Variants in PTTG1 observed in about 807,000 individuals in gnomAD.
The protein encoded by PTTG1 is securin.
In PTTG1, 8 loss-of-function variants were observed where a neutral mutation model predicts 20.0. The observed-to-expected ratio is 0.40, with a 90% CI of 0.23 to 0.72. The LOEUF is 0.72. Ranked by LOEUF, PTTG1 falls within the 30% of genes least tolerant of loss-of-function variation. PTTG1 has a pLI of 0.38. For synonymous variants in PTTG1, 79 were observed against 87.2 expected (o/e 0.91, Z 0.52); for missense variants, 197 against 236.0 (o/e 0.83, Z 1.08).
intron 3 of PTTG1, 168 bp downstream of exon 3, chr5:160,423,061 T>TACC: frequency 1.4e-6 from 1 of 696,150 alleles, no homozygotes; most frequent in East Asian, 2.8e-5. Context: ...GACTTCTTGG[T>TACC]ACCTTGAGAT....
chr5:160,425,454 C>T (rs1390839013), intron 4 of PTTG1, among the ~76,000 whole-genome samples: 3 of 152,168 alleles, frequency 2.0e-5, no homozygotes, highest in South Asian at 4.1e-4. Flanking sequence ...CTAAGTGGCC[C>T]TTCAAAATAG....
At position 160,423,158 on chromosome 5, in the gene PTTG1, T is replaced by A. The variant is rs567103836; in HGVS notation, c.276+265T>A. Among the ~76,000 whole-genome samples, 161 of 147,370 alleles carry A rather than the reference T, an allele frequency of 1.1e-3. 3 individuals are homozygous for A. Among genetic ancestry groups the A allele is most frequent in the Admixed American group, 1.8e-3 (25 of 14,228 alleles). ...CCTTCACTAGTGTCGTGAAACTGGT[T>A]GGTGGTGTCTACTTACAGATACATA... On this transcript the variant is annotated intron_variant, in intron 3 of 5. Coordinates refer to ENST00000352433, the MANE Select transcript of PTTG1 (RefSeq NM_004219.4).
intron 5 of PTTG1, 101 bp downstream of exon 5, chr5:160,427,974 A>G: frequency 7.2e-7 from 1 of 1,394,132 alleles, no homozygotes; most frequent in South Asian, 1.3e-5. Flanking sequence ...CCTGTGAGTA[A>G]TTTCTGTCCT....
intron 1 of PTTG1, 60 bp downstream of exon 1, chr5:160,421,951 G>GGGCTGC (rs995537219): frequency 7.7e-5 from 15 of 193,984 alleles, no homozygotes; most frequent in African/African-American, 2.4e-4. Flanking sequence ...GGAAGGAGGC[G>GGGCTGC]GGCTGCGGCT....
At chr5:160,424,464 A>G (rs901213750) in intron 4 of PTTG1, 134 bp downstream of exon 4, 1 of 652,418 alleles carries the variant, frequency 1.5e-6, no homozygotes, top group Non-Finnish European at 2.6e-6. Flanking sequence ...GTTGCTTTGG[A>G]CAAGTGTACT....
intron 5 of PTTG1, 39 bp from the exon 6 acceptor site, chr5:160,428,563 G>C: frequency 6.4e-7 from 1 of 1,562,730 alleles, no homozygotes; most frequent in Non-Finnish European, 8.8e-7. Context: ...ATGACTCAAG[G>C]ATTTGCAGAA....
intron 3 of PTTG1, 178 bp downstream of exon 3, chr5:160,423,071 T>C (rs1765746145): frequency 1.5e-6 from 1 of 674,742 alleles, no homozygotes; most frequent in African/African-American, 1.8e-5. Flanking sequence ...TACCTTGAGA[T>C]TGGAAATCTC....
At chr5:160,427,399 T>C (rs1054697226) in intron 4 of PTTG1, among the ~76,000 whole-genome samples, 3 of 152,228 alleles carry the variant, frequency 2.0e-5, no homozygotes, top group Non-Finnish European at 4.4e-5. Flanking sequence ...AAATTAATAC[T>C]TTCTACTGCA....
chr5:160,423,111 T>C lies in PTTG1; in HGVS notation c.276+218T>C, dbSNP rs961990685. On this transcript the variant is annotated intron_variant, in intron 3 of 5. Coordinates refer to ENST00000352433, the MANE Select transcript of PTTG1 (RefSeq NM_004219.4). Reference sequence around the variant, plus strand: ...GCAGCTAATGCATATTTTTGCCTCATGCATATTTTTGCCTCACCTGTCCTT... The same window carrying C: ...GCAGCTAATGCATATTTTTGCCTCACGCATATTTTTGCCTCACCTGTCCTT... 6 of 556,268 alleles carry C rather than the reference T, an allele frequency of 1.1e-5. No homozygotes were observed. The African/African-American group carries it at 1.1e-4, about 10-fold the overall frequency. 34.5% of individuals were successfully genotyped at this position (556,268 alleles called of 1,614,324 possible). A position where few individuals can be genotyped will look rare whatever the true frequency, so the allele number is the denominator to read the frequency against.
At chr5:160,424,601 T>C (rs141551200) in intron 4 of PTTG1, 243 of 292,410 alleles carry the variant, frequency 8.3e-4, no homozygotes, top group African/African-American at 4.2e-3. Flanking sequence ...TTCATGAACA[T>C]TGAATAAGTC....
rs747409147 is a variant in PTTG1, at chr5:160,422,726, G to A, written c.109G>A (p.Gly37Arg). The A allele has an allele frequency of 1.9e-6, 3 of 1,613,914 alleles. No homozygotes were observed. The highest frequency in any genetic ancestry group is 1.7e-6 in the Non-Finnish European group (2 of 1,180,004). ...GSGPSIKALDGRSQVSTPRFG... is the reference protein window; with the variant it reads ...GSGPSIKALDRRSQVSTPRFG... ...TTCTTCAGCAATCAAAGCCTTAGAT[G>A]GGAGATCTCAAGTTTCAACACCACG... Residue 37 changes from glycine to arginine, a missense_variant, in exon 3 of 6, where the codon GGG (glycine) becomes AGG (arginine). By Grantham distance (125) the Gly-to-Arg change is moderately radical. Coordinates refer to ENST00000352433, the MANE Select transcript of PTTG1 (RefSeq NM_004219.4).
chr5:160,428,660 T>TAGG lies in PTTG1; in HGVS notation c.588_589insAGG (p.Val196_Cys197insArg). ...CCCTGGATGTTGAATTGCCACCTGT[T>TAGG]TGCTGTGACATAGATATTTAAATTT... is the stretch of plus-strand genomic sequence containing the variant. On this transcript the variant is annotated inframe_insertion, in exon 6 of 6. Coordinates refer to ENST00000352433, the MANE Select transcript of PTTG1 (RefSeq NM_004219.4). 6.2e-7 allele frequency: 1 copy of TAGG among 1,613,738 alleles called. No individual in the cohort carries two copies. The highest frequency in any genetic ancestry group is 8.5e-7 in the Non-Finnish European group (1 of 1,179,608).
intron 4 of PTTG1, among the ~76,000 whole-genome samples, chr5:160,424,996 A>C (rs2113211063): frequency 6.6e-6 from 1 of 152,312 alleles, no homozygotes; most frequent in Admixed American, 6.5e-5. Flanking sequence ...AAAGTGGTGC[A>C]AAGATCGTGA....
chr5:160,424,928 C>T (rs1765779563), intron 4 of PTTG1, among the ~76,000 whole-genome samples: 1 of 152,146 alleles, frequency 6.6e-6, no homozygotes, highest in Admixed American at 6.5e-5. Flanking sequence ...AAGGGAAAGT[C>T]AGATGCTGGA....
chr5:160,424,422 C>A (rs368712427), intron 4 of PTTG1, 92 bp downstream of exon 4: 2 of 890,724 alleles, frequency 2.2e-6, no homozygotes, highest in Non-Finnish European at 1.8e-6. Context: ...TAATATATGA[C>A]CAAAAACTAT....
intron 3 of PTTG1, among the ~76,000 whole-genome samples, chr5:160,423,338 G>T (rs1765752311): frequency 1.3e-5 from 2 of 152,214 alleles, no homozygotes; most frequent in Non-Finnish European, 2.9e-5. Context: ...AGCTTGTTAG[G>T]TGACAATTTG....
rs770510874 is a variant in PTTG1 at position 160,422,905 on chromosome 5, C to T, written c.276+12C>T. ...TTTCTGCCAAAAAGGTAAGTGTTGG[C>T]TATAAAGACACTGTTTAAACACTTA... On this transcript the variant is annotated intron_variant, in intron 3 of 5. Coordinates refer to ENST00000352433, the MANE Select transcript of PTTG1 (RefSeq NM_004219.4). 2 of 1,613,316 alleles carry T rather than the reference C, an allele frequency of 1.2e-6. No individual in the cohort carries two copies. The highest frequency in any genetic ancestry group is 1.1e-5 in the South Asian group (1 of 91,036).
At chr5:160,424,985 C>A (rs150880831) in intron 4 of PTTG1, among the ~76,000 whole-genome samples, 1 of 152,128 alleles carries the variant, frequency 6.6e-6, no homozygotes, top group Non-Finnish European at 1.5e-5. Flanking sequence ...CATTGTAGGT[C>A]AAAGTGGTGC....
chr5:160,421,996 G>T, intron 1 of PTTG1, 105 bp downstream of exon 1: 1 of 214,480 alleles, frequency 4.7e-6, no homozygotes, highest in South Asian at 7.1e-5. Flanking sequence ...GGGGTTGGGG[G>T]ACTGCCCGGG....
Sources: allele counts gnomAD v4.1 joint callset (sites outside exome capture counted in the v4.1 genomes callset), GRCh38; gene constraint gnomAD v4.1.1; transcripts MANE v1.5; gene names NCBI Gene and HGNC (gene_info 2026-07-23, HGNC 2026-07-21).